Variants in HSPG2 observed in about 807,000 individuals in gnomAD.
HSPG2 encodes the protein basement membrane-specific heparan sulfate proteoglycan core protein.
In HSPG2, 278 loss-of-function variants were observed where a neutral mutation model predicts 526.6. The observed-to-expected ratio is 0.53, with a 90% confidence interval of 0.48 to 0.58. The LOEUF (loss-of-function observed/expected upper bound fraction) is 0.58. HSPG2 is among the 20% of genes least tolerant of loss of function. The probability of loss-of-function intolerance (pLI) is 0.00; values close to 1 mark genes in which losing one functional copy is unlikely to be tolerated. For synonymous variants in HSPG2, 2,465 were observed against 2,555.4 expected (o/e 0.96, Z 1.07); for missense variants, 5,354 against 6,099.5 (o/e 0.88, Z 4.07).
intron 23 of HSPG2, 85 bp downstream of exon 23, chr1:21,876,144 G>A: frequency 6.4e-7 from 1 of 1,565,210 alleles, no homozygotes; most frequent in Non-Finnish European, 8.7e-7. Flanking sequence ...TTCTCCCAAG[G>A]CACCACGACC....
chr1:21,834,919 G>A lies in HSPG2; in HGVS notation c.10480C>T (p.Arg3494Trp), dbSNP rs571557682. The change falls in exon 77 of 97, where the codon CGG becomes TGG. Residue 3494 changes from arginine to tryptophan, a missense_variant. Arg to Trp is a moderately radical substitution (Grantham distance 101). Coordinates refer to ENST00000374695, the MANE Select transcript of HSPG2 (RefSeq NM_005529.7). The stretch of plus-strand genomic sequence containing the variant: ...ACCACCACGGTCTGCACAGAGGTCC[G>A]GATGTTGATGAGCACCGAGGGCAGG... ...QALPSVLINI[R>W]TSVQTVVVGH... 3.7e-6 allele frequency: 6 copies of A among 1,613,332 alleles called. No individual in the cohort carries two copies. Among genetic ancestry groups the A allele is most frequent in the African/African-American group, 2.7e-5 (2 of 75,030 alleles).
At position 21,831,502 on chromosome 1, in the gene HSPG2, C is replaced by A. The variant is rs777258131; in HGVS notation, c.11413G>T (p.Gly3805Cys). 2 of 1,614,156 alleles carry A rather than the reference C, an allele frequency of 1.2e-6. No homozygotes were observed. The highest frequency in any genetic ancestry group is 1.7e-5 in the Admixed American group (1 of 60,020). Residue 3805 changes from glycine (G) to cysteine (C), a missense_variant, in exon 83 of 97, where the codon GGT (glycine) becomes TGT (cysteine). Gly to Cys is a radical substitution (Grantham distance 159, BLOSUM62 -3). Coordinates refer to ENST00000374695, the MANE Select transcript of HSPG2 (RefSeq NM_005529.7). ...ELYLGGYPDY[G>C]AIPKAGLSSG... ...CTCAGCCCCGCCTTGGGGATGGCAC[C>A]ATAGTCAGGATAGCCACCCAGGTAG...
chr1:21,831,064 C>T lies in HSPG2; in HGVS notation c.11589G>A (p.Glu3863=). 1.3e-6 allele frequency: 2 copies of T among 1,596,988 alleles called. No individual in the cohort carries two copies. The highest frequency in any genetic ancestry group is 1.7e-6 in the Non-Finnish European group (2 of 1,172,044). Reference sequence around the variant, plus strand: ...GGCAGACGCACACGTAGCTGCTGCTCTCAGAGTCATGGCACTGACCGCCAT... The same window carrying T: ...GGCAGACGCACACGTAGCTGCTGCTTTCAGAGTCATGGCACTGACCGCCAT... ...CQNGGQCHDS[E]SSSYVCVCPA... is the part of the protein sequence containing the mutation. The change falls in exon 85 of 97, where the codon GAG becomes GAA. Residue 3863 remains glutamate, a synonymous_variant. Transcript: ENST00000374695.
Position 21,896,330 on chromosome 1 carries a change from G to A in HSPG2, c.64-20C>T. 6.2e-7 allele frequency: 1 copy of A among 1,610,768 alleles called. No homozygotes were observed. The highest frequency in any genetic ancestry group is 8.5e-7 in the Non-Finnish European group (1 of 1,179,918). On this transcript the variant is annotated intron_variant, in intron 1 of 96. Coordinates refer to ENST00000374695, the MANE Select transcript of HSPG2 (RefSeq NM_005529.7). ...GGTCACCTGTAAGCAAACGAGAGCT[G>A]ATTGAGTCACTCTCTCCAGCTCCCA...
rs745391539 is a variant in HSPG2, at chr1:21,841,633, G to A, written c.9234C>T (p.Ile3078=). The change falls in exon 70 of 97, where the codon ATC becomes ATT. Residue 3078 remains isoleucine (I), a synonymous_variant. Coordinates refer to ENST00000374695, the MANE Select transcript of HSPG2 (RefSeq NM_005529.7). ...HISPNGSIIT[I]VGTRPSNHGT... Reference sequence around the variant, plus strand: ...CGTGGTTGCTGGGCCGGGTGCCCACGATGGTGATGATGGAGCCATTGGGAC... The same window carrying A: ...CGTGGTTGCTGGGCCGGGTGCCCACAATGGTGATGATGGAGCCATTGGGAC... 10 of 1,614,086 alleles carry A rather than the reference G, an allele frequency of 6.2e-6. No individual in the cohort carries two copies. In the Admixed American group the frequency reaches 6.7e-5, roughly 11 times the overall value.
chr1:21,916,145 T>A (rs2152793361), intron 1 of HSPG2, among the ~76,000 whole-genome samples: 1 of 150,300 alleles, frequency 6.7e-6, no homozygotes, highest in South Asian at 2.1e-4. Flanking sequence ...GGCGGGCAGA[T>A]CATGAGGTCA....
chr1:21,823,863 C>CGAGA, intron 95 of HSPG2, 144 bp from the exon 96 acceptor site: 2 of 772,286 alleles, frequency 2.6e-6, no homozygotes, highest in Non-Finnish European at 4.4e-6. Flanking sequence ...CCCCGCTGAA[C>CGAGA]GAGAGATCGG....
At chr1:21,851,724 C>T in intron 54 of HSPG2, 27 bp from the exon 55 acceptor site, 1 of 1,613,958 alleles carries the variant, frequency 6.2e-7, no homozygotes, top group Non-Finnish European at 8.5e-7. Context: ...TCACCGGTCA[C>T]TCCTGTTCTC....
intron 1 of HSPG2, among the ~76,000 whole-genome samples, chr1:21,902,296 A>G (rs1643144801): frequency 6.6e-6 from 1 of 152,156 alleles, no homozygotes; most frequent in Admixed American, 6.5e-5. Flanking sequence ...CTTCTCACAC[A>G]GGGGCCCCCA....
intron 33 of HSPG2, chr1:21,869,449 G>C: frequency 1.0e-6 from 1 of 985,998 alleles, no homozygotes; most frequent in Non-Finnish European, 1.2e-6. Flanking sequence ...TCCCTTGATG[G>C]GCACCTTGGC....
intron 1 of HSPG2, among the ~76,000 whole-genome samples, chr1:21,923,205 G>A (rs1462630427): frequency 1.3e-5 from 2 of 152,066 alleles, no homozygotes; most frequent in South Asian, 2.1e-4. Flanking sequence ...TCAGAAGTTC[G>A]AGACCAGCCT....
At position 21,854,167 on chromosome 1, in the gene HSPG2, C is replaced by T. The variant is rs373328508; in HGVS notation, c.6439+26G>A. 71 of 1,553,196 alleles carry T rather than the reference C, an allele frequency of 4.6e-5. 1 individual carries two copies. In the East Asian group the frequency reaches 6.5e-4, roughly 14 times the overall value. Reference sequence around the variant, plus strand: ...CTTGGGAGCTCCTAGGGCTCAGCCCCGGCCCAGCCACACCTGGCTCCTCAC... The same window carrying T: ...CTTGGGAGCTCCTAGGGCTCAGCCCTGGCCCAGCCACACCTGGCTCCTCAC... On this transcript the variant is annotated intron_variant, in intron 50 of 96. Transcript: ENST00000374695.
At chr1:21,897,203 C>A (rs1279071292) in intron 1 of HSPG2, among the ~76,000 whole-genome samples, 1 of 152,196 alleles carries the variant, frequency 6.6e-6, no homozygotes, top group African/African-American at 2.4e-5. Flanking sequence ...CCAGGGGAGC[C>A]CAAGGGAACC....
intron 1 of HSPG2, among the ~76,000 whole-genome samples, chr1:21,913,661 G>T (rs986790151): frequency 3.3e-5 from 5 of 152,336 alleles, no homozygotes; most frequent in African/African-American, 1.2e-4. Context: ...TCCCAGGGAA[G>T]GAGCCATCCT....
chr1:21,852,764 C>T lies in HSPG2; in HGVS notation c.6660G>A (p.Val2220=), dbSNP rs368431013. Residue 2220 remains valine, a synonymous_variant, in exon 52 of 97, where the codon GTG becomes GTA. Transcript: ENST00000374695. ...PADSGEYVCH[V]VGTSGPLEAS... ...CCTCTAGGGGGCCGGAGGTGCCCAC[C>T]ACATGGCACACATACTCGCCTGAGT... 3 of 1,613,294 alleles carry T rather than the reference C, an allele frequency of 1.9e-6. No individual in the cohort carries two copies. Among genetic ancestry groups the T allele is most frequent in the African/African-American group, 1.3e-5 (1 of 75,050 alleles).
chr1:21,834,911 A>G lies in HSPG2; in HGVS notation c.10488T>C (p.Ser3496=), dbSNP rs2152697034. The change falls in exon 77 of 97, where the codon TCT becomes TCC. Residue 3496 remains serine (S), a synonymous_variant. Transcript: ENST00000374695. The part of the protein sequence containing the change: ...LPSVLINIRT[S]VQTVVVGHAV... ...CGTGGCCAACCACCACGGTCTGCAC[A>G]GAGGTCCGGATGTTGATGAGCACCG... 2 of 1,613,606 alleles carry G rather than the reference A, an allele frequency of 1.2e-6. No individual in the cohort carries two copies. The highest frequency in any genetic ancestry group is 2.2e-5 in the East Asian group (1 of 44,876).
chr1:21,890,795 A>G lies in HSPG2; in HGVS notation c.245-101T>C. 1 of 856,978 alleles carries G rather than the reference A, an allele frequency of 1.2e-6. No homozygotes were observed. The highest frequency in any genetic ancestry group is 1.9e-6 in the Non-Finnish European group (1 of 516,794). The allele number at this position is 856,978 out of a possible 1,614,324, so 53.1% of individuals were successfully genotyped here. ...GCAGAGTTGGGGGGATGGCCCCCAG[A>G]GGCCTCCCTCGAGGCTGACACCTGT... On this transcript the variant is annotated intron_variant, in intron 3 of 96. Transcript: ENST00000374695. The surrounding 1 kb of genome is among the most constrained non-coding windows in gnomAD (Gnocchi z 4.1).
At position 21,885,155 on chromosome 1, in the gene HSPG2, G is replaced by T. The variant is rs766511202; in HGVS notation, c.1213C>A (p.Pro405Thr). 6.2e-7 allele frequency: 1 copy of T among 1,607,368 alleles called. No individual in the cohort carries two copies. The highest frequency in any genetic ancestry group is 1.3e-5 in the African/African-American group (1 of 74,924). Residue 405 changes from proline (P) to threonine (T), a missense_variant and splice_region_variant, in exon 11 of 97, where the codon CCC becomes ACC. Transcript: ENST00000374695. ...CGGGGAGGTGTCACCACCTGGGGGG[G>T]CACTGAGGAGACCAGGGCAGGAGTG... ...PDRSDEFGCMPPQVVTPPRES... is the reference protein window; with the variant it reads ...PDRSDEFGCMTPQVVTPPRES...
intron 69 of HSPG2, 62 bp from the exon 70 acceptor site, chr1:21,841,735 C>T: frequency 1.2e-6 from 2 of 1,600,658 alleles, no homozygotes; most frequent in Non-Finnish European, 1.7e-6. Context: ...TGTCTTGGTG[C>T]TGCCAGCCTG....
Sources: gnomAD v4.1 joint callset for allele counts (sites outside exome capture counted in the v4.1 genomes callset) on GRCh38, gnomAD v4.1.1 for gene constraint, Gnocchi (gnomAD v3.1) non-coding constraint, MANE v1.5 for transcripts, NCBI Gene and HGNC (gene_info 2026-07-23, HGNC 2026-07-21) for gene names.